Variants in TAF8 observed in about 807,000 individuals in gnomAD.
TAF8 encodes TATA-box binding protein associated factor 8.
A neutral mutation model predicts 36.5 loss-of-function variants in TAF8; 47 were observed. That is an observed-to-expected ratio of 1.29 (90% CI 1.02 to 1.64). The LOEUF (loss-of-function observed/expected upper bound fraction) is 1.64. Ranked by LOEUF, TAF8 falls within the 40% of genes most tolerant of loss-of-function variation. The probability of loss-of-function intolerance (pLI) is 0.00; values close to 1 mark genes in which losing one functional copy is unlikely to be tolerated. For missense variants in TAF8, 420 were observed against 407.6 expected (o/e 1.03, Z -0.26); for synonymous variants, 175 against 159.5 (o/e 1.10, Z -0.73).
intron 7 of TAF8, chr6:42,071,437 A>T (rs1308757142): frequency 1.2e-5 from 2 of 172,644 alleles, no homozygotes; most frequent in South Asian, 8.4e-5. Context: ...GCGATTCTCC[A>T]GCCTCAGCCT....
chr6:42,057,795 A>T, intron 5 of TAF8: 2 of 398,980 alleles, frequency 5.0e-6, no homozygotes, highest in Non-Finnish European at 8.8e-6. Flanking sequence ...AAGAATTCAG[A>T]TTATCTTTCA....
chr6:42,074,577 T>A (rs980130814), intron 7 of TAF8, among the ~76,000 whole-genome samples: 58 of 152,144 alleles, frequency 3.8e-4, no homozygotes, highest in Non-Finnish European at 5.0e-4. Flanking sequence ...CTCTGTCGTC[T>A]AGGCTGGAGT....
chr6:42,055,181 C>A (rs1764932680), intron 2 of TAF8, among the ~76,000 whole-genome samples: 1 of 151,814 alleles, frequency 6.6e-6, no homozygotes, highest in East Asian at 1.9e-4. Flanking sequence ...GCCTTGGCCT[C>A]CCAAAGTGCT....
rs1050289573 is a variant in TAF8, at chr6:42,078,902, A to G, written c.*1357A>G. 1.4e-5 allele frequency: 13 copies of G among 944,512 alleles called. No homozygotes were observed. Among genetic ancestry groups the G allele is most frequent in the Non-Finnish European group, 1.6e-5 (13 of 792,820 alleles). The allele number at this position is 944,512 out of a possible 1,614,324, so 58.5% of individuals were successfully genotyped here. ...TTCGGGAGGCGAAGGCAGGTGGATC[A>G]CTTGAGGTCAGGAGTTCGAGACCAG... On this transcript the variant is annotated 3_prime_UTR_variant, in exon 9 of 9. Coordinates refer to ENST00000372977, the MANE Select transcript of TAF8 (RefSeq NM_138572.3).
At chr6:42,055,128 T>C (rs138717290) in intron 2 of TAF8, among the ~76,000 whole-genome samples, 2,569 of 152,214 alleles carry the variant, frequency 0.017, 60 homozygotes, top group African/African-American at 0.058. Flanking sequence ...TTCGCCATGT[T>C]GGTCAGGTTG....
intron 5 of TAF8, 140 bp from the exon 6 acceptor site, chr6:42,066,172 A>G: frequency 1.9e-6 from 2 of 1,031,228 alleles, no homozygotes; most frequent in Non-Finnish European, 2.8e-6. Flanking sequence ...AAGTGCTGGG[A>G]TTACAGGTGT....
chr6:42,057,682 G>A, intron 5 of TAF8, 169 bp downstream of exon 5: 2 of 845,726 alleles, frequency 2.4e-6, no homozygotes, highest in Non-Finnish European at 3.5e-6. Flanking sequence ...CATTTTAGGA[G>A]GCCGAGGCAG....
intron 7 of TAF8, among the ~76,000 whole-genome samples, chr6:42,071,737 T>G (rs1765586024): frequency 6.6e-6 from 1 of 152,200 alleles, no homozygotes; most frequent in Non-Finnish European, 1.5e-5. Context: ...TCTGTTAATT[T>G]GGGCTGAGAT....
chr6:42,063,476 A>G (rs570259184), intron 5 of TAF8: 3 of 152,360 alleles, frequency 2.0e-5, no homozygotes, highest in African/African-American at 7.2e-5. Flanking sequence ...AACATTGTAC[A>G]AAATAATGTA....
chr6:42,072,229 CA>C (rs1765603598), intron 7 of TAF8, among the ~76,000 whole-genome samples: 1 of 152,222 alleles, frequency 6.6e-6, no homozygotes, highest in African/African-American at 2.4e-5. Flanking sequence ...GCTATCTAAC[CA>C]TATGCCCTTC....
intron 1 of TAF8, 89 bp from the exon 2 acceptor site, chr6:42,051,268 G>T (rs909146197): frequency 4.4e-6 from 6 of 1,374,664 alleles, no homozygotes; most frequent in African/African-American, 1.5e-5. Context: ...AAATTATTTA[G>T]TAAAATAACT....
chr6:42,071,096 C>T (rs1186301240), intron 7 of TAF8, among the ~76,000 whole-genome samples: 1 of 152,078 alleles, frequency 6.6e-6, no homozygotes, highest in Non-Finnish European at 1.5e-5. Flanking sequence ...GCTGGAATGC[C>T]CTTAAGGCTA....
Position 42,050,700 on chromosome 6 carries a change from C to T in TAF8, c.45+114C>T, listed in dbSNP as rs531253874. ...AATTCAGCCCCATCATGAGCTCCGA[C>T]TGGCGGAGGGTGTTTTCAGGCCGTA... On this transcript the variant is annotated intron_variant, in intron 1 of 8. Coordinates refer to ENST00000372977, the MANE Select transcript of TAF8 (RefSeq NM_138572.3). 3 of 1,311,128 alleles carry T rather than the reference C, an allele frequency of 2.3e-6. No individual in the cohort carries two copies. In the East Asian group the frequency reaches 8.3e-5, roughly 36 times the overall value. The allele number at this position is 1,311,128 out of a possible 1,614,324, so 81.2% of individuals were successfully genotyped here.
intron 2 of TAF8, 119 bp from the exon 3 acceptor site, chr6:42,055,412 C>T: frequency 1.4e-6 from 1 of 692,838 alleles, no homozygotes; most frequent in Non-Finnish European, 2.6e-6. Flanking sequence ...TTTTCGAATC[C>T]CTGCTTTCAG....
At chr6:42,050,851 GCCTTCTT>G in intron 1 of TAF8, 1 of 1,073,676 alleles carries the variant, frequency 9.3e-7, no homozygotes, top group South Asian at 3.6e-5. Flanking sequence ...TGCCGTTTTC[GCCTTCTT>G]ATTGGCCGGC....
rs1562025194 is a variant in TAF8, at chr6:42,082,368, T to C, written c.*4823T>C. The C allele has an allele frequency of 6.6e-6, 1 of 152,274 alleles. No individual in the cohort carries two copies. The highest frequency in any genetic ancestry group is 1.5e-5 in the Non-Finnish European group (1 of 68,052). 9.4% of individuals were successfully genotyped at this position (152,274 alleles called of 1,614,324 possible). A position where few individuals can be genotyped will look rare whatever the true frequency, so the allele number is the denominator to read the frequency against. The stretch of plus-strand genomic sequence containing the variant: ...TTCTTTTTGAGACAGAGTCTTGCTC[T>C]ATCGCCTAGGCTGGATGGAGTGCAG... On this transcript the variant is annotated 3_prime_UTR_variant, in exon 9 of 9. Coordinates refer to ENST00000372977, the MANE Select transcript of TAF8 (RefSeq NM_138572.3).
intron 5 of TAF8, among the ~76,000 whole-genome samples, chr6:42,064,318 T>C (rs1765284275): frequency 6.6e-6 from 1 of 151,796 alleles, no homozygotes; most frequent in African/African-American, 2.4e-5. Flanking sequence ...AGTGGTGTGA[T>C]CTCGGCTCAC....
intron 5 of TAF8, among the ~76,000 whole-genome samples, chr6:42,059,568 G>A (rs1248997587): frequency 6.6e-6 from 1 of 152,108 alleles, no homozygotes; most frequent in Non-Finnish European, 1.5e-5. Flanking sequence ...TCAGAATCTT[G>A]TAGCCTCCAG....
At position 42,050,590 on chromosome 6, in the gene TAF8, A is replaced by G. The variant is rs2127446222; in HGVS notation, c.45+4A>G. The G allele has an allele frequency of 1.3e-6, 2 of 1,550,916 alleles. No homozygotes were observed. Among genetic ancestry groups the G allele is most frequent in the Non-Finnish European group, 8.7e-7 (1 of 1,148,476 alleles). Reference sequence around the variant, plus strand: ...TGGGGCCGGTGGCTCCGGAACGGTAAGGGCAGGAAGCGCGGGCTCGGAGCC... The same window carrying G: ...TGGGGCCGGTGGCTCCGGAACGGTAGGGGCAGGAAGCGCGGGCTCGGAGCC... On this transcript the variant is annotated splice_donor_region_variant and intron_variant, in intron 1 of 8. Transcript: ENST00000372977.
Sources: gnomAD v4.1 joint callset for allele counts (sites outside exome capture counted in the v4.1 genomes callset) on GRCh38, gnomAD v4.1.1 for gene constraint, MANE v1.5 for transcripts, NCBI Gene and HGNC (gene_info 2026-07-23, HGNC 2026-07-21) for gene names.